Variants in CLSTN2 observed in about 807,000 individuals in gnomAD.
CLSTN2 encodes the protein calsyntenin 2, also known as calsyntenin-2.
CLSTN2 carries 48 observed loss-of-function variants against 101.2 expected under a neutral mutation model. The ratio of observed to expected loss-of-function variants is 0.47; its 90% CI spans 0.38 to 0.60. The LOEUF (loss-of-function observed/expected upper bound fraction) is 0.60, where lower values mean the gene tolerates loss of function less well. CLSTN2 is among the 20% of genes least tolerant of loss of function. The pLI is 0.00. For missense variants in CLSTN2, 1,160 were observed against 1,238.2 expected, an observed-to-expected ratio of 0.94 and a Z score of 0.95; for synonymous variants, 481 against 463.6, an observed-to-expected ratio of 1.04 and a Z score of -0.48.
chr3:140,073,353 T>C (rs1446793128), intron 1 of CLSTN2, among the ~76,000 whole-genome samples: 1 of 152,164 alleles, frequency 6.6e-6, no homozygotes, highest in Non-Finnish European at 1.5e-5. Flanking sequence ...TTAGGTTGTG[T>C]GGATACCCAT....
intron 1 of CLSTN2, among the ~76,000 whole-genome samples, chr3:140,146,675 G>A (rs565054717): frequency 6.6e-6 from 1 of 152,344 alleles, no homozygotes; most frequent in South Asian, 2.1e-4. Context: ...GTCCAAAAGA[G>A]TAATGGTGCT....
chr3:140,339,356 G>T (rs1043641013), intron 2 of CLSTN2, among the ~76,000 whole-genome samples: 7 of 152,066 alleles, frequency 4.6e-5, no homozygotes, highest in African/African-American at 1.7e-4. Context: ...CAAGGAAATG[G>T]TATTTAGACC....
At chr3:139,959,046 G>C (rs1576376667) in intron 1 of CLSTN2, among the ~76,000 whole-genome samples, 1 of 151,948 alleles carries the variant, frequency 6.6e-6, no homozygotes, top group South Asian at 2.1e-4. Flanking sequence ...GAGAGGAAGA[G>C]AGAAACCAAA....
At chr3:139,976,686 A>G (rs903014557) in intron 1 of CLSTN2, among the ~76,000 whole-genome samples, 1 of 152,178 alleles carries the variant, frequency 6.6e-6, no homozygotes, top group Non-Finnish European at 1.5e-5. Flanking sequence ...GTCCTGGCTC[A>G]GCATACAGTT....
intron 2 of CLSTN2, among the ~76,000 whole-genome samples, chr3:140,303,748 G>A (rs900454428): frequency 6.6e-6 from 1 of 151,930 alleles, no homozygotes; most frequent in Non-Finnish European, 1.5e-5. Context: ...TAACACAGGG[G>A]CTCTAGAGGA....
intron 1 of CLSTN2, among the ~76,000 whole-genome samples, chr3:140,116,573 G>A (rs190386405): frequency 6.6e-6 from 1 of 152,292 alleles, no homozygotes; most frequent in Admixed American, 6.5e-5. Context: ...GCACTCACCT[G>A]CAGGGCCGAT....
intron 1 of CLSTN2, among the ~76,000 whole-genome samples, chr3:139,943,253 C>T (rs1295017008): frequency 2.0e-5 from 3 of 152,294 alleles, no homozygotes; most frequent in East Asian, 1.9e-4. Flanking sequence ...ATCCTATCAT[C>T]ACCATCTAGA....
At chr3:140,530,320 G>C (rs1475408184) in intron 8 of CLSTN2, among the ~76,000 whole-genome samples, 1 of 152,128 alleles carries the variant, frequency 6.6e-6, no homozygotes, top group Non-Finnish European at 1.5e-5. Flanking sequence ...CCCAGCTGTT[G>C]TTTCACGGAT....
chr3:140,456,735 C>T (rs895044381), intron 6 of CLSTN2, among the ~76,000 whole-genome samples: 3 of 152,004 alleles, frequency 2.0e-5, no homozygotes, highest in African/African-American at 7.2e-5. Flanking sequence ...TGCAGTGAGC[C>T]AAGATCGCGC....
intron 1 of CLSTN2, among the ~76,000 whole-genome samples, chr3:140,122,798 T>C (rs1425144105): frequency 1.3e-5 from 2 of 152,186 alleles, no homozygotes; most frequent in Non-Finnish European, 2.9e-5. Context: ...CTTTGTGGGC[T>C]ATATAGTTGC....
At chr3:140,421,905 A>G (rs1434313654) in intron 5 of CLSTN2, among the ~76,000 whole-genome samples, 2 of 152,232 alleles carry the variant, frequency 1.3e-5, no homozygotes, top group South Asian at 4.1e-4. Flanking sequence ...AGGTGAGGAC[A>G]GCTGCATAGA....
chr3:140,222,827 A>C (rs935426447), intron 2 of CLSTN2, among the ~76,000 whole-genome samples: 23 of 151,642 alleles, frequency 1.5e-4, no homozygotes, highest in African/African-American at 5.3e-4. Flanking sequence ...ACCTGTAAAT[A>C]TAGACACCTA....
chr3:140,459,733 G>A lies in CLSTN2; in HGVS notation c.1186G>A (p.Glu396Lys), dbSNP rs762725621. The change falls in exon 7 of 17, where the codon GAG (glutamate) becomes AAG (lysine). Residue 396 changes from glutamate to lysine, a missense_variant. Transcript: ENST00000458420. ...KHGPSPGVRA[E>K]KETILCNSDK... Reference sequence around the variant, plus strand: ...CGGCCCCAGCCCTGGTGTGAGAGCCGAGAAGGAAACCATCCTCTGCAACTC... The same window carrying A: ...CGGCCCCAGCCCTGGTGTGAGAGCCAAGAAGGAAACCATCCTCTGCAACTC... 35 of 1,613,946 alleles carry A rather than the reference G, an allele frequency of 2.2e-5. No individual in the cohort carries two copies. Among genetic ancestry groups the A allele is most frequent in the Non-Finnish European group, 2.7e-5 (32 of 1,180,008 alleles).
At chr3:140,147,053 T>C (rs2009791021) in intron 1 of CLSTN2, among the ~76,000 whole-genome samples, 1 of 152,206 alleles carries the variant, frequency 6.6e-6, no homozygotes, top group African/African-American at 2.4e-5. Flanking sequence ...AATGAATAAA[T>C]GGATGGATGA....
intron 2 of CLSTN2, among the ~76,000 whole-genome samples, chr3:140,368,312 C>T (rs2087815938): frequency 6.6e-6 from 1 of 152,204 alleles, no homozygotes; most frequent in Non-Finnish European, 1.5e-5. Flanking sequence ...AGCTCTCTCC[C>T]TCTGGCTTCC....
rs1281625139 is a variant in CLSTN2, at chr3:140,576,365, A to G, written c.*10112A>G. 6.6e-6 allele frequency: 1 copy of G among 152,182 alleles called. No homozygotes were observed. The highest frequency in any genetic ancestry group is 1.5e-5 in the Non-Finnish European group (1 of 68,032). The allele number at this position is 152,182 out of a possible 1,614,324, so 9.4% of individuals were successfully genotyped here. ...AGCTTGTCTCTACTATTGTCTCTAC[A>G]CCGTTGCCCAAACACTTGGTATAAT... On this transcript the variant is annotated 3_prime_UTR_variant, in exon 17 of 17. Transcript: ENST00000458420.
intron 1 of CLSTN2, among the ~76,000 whole-genome samples, chr3:140,146,742 A>T (rs2107811823): frequency 6.6e-6 from 1 of 152,334 alleles, no homozygotes; most frequent in East Asian, 1.9e-4. Context: ...ATTTCTGGTC[A>T]TTTGGGATAT....
At chr3:140,520,613 G>A (rs1935004099) in intron 8 of CLSTN2, among the ~76,000 whole-genome samples, 1 of 152,158 alleles carries the variant, frequency 6.6e-6, no homozygotes, top group African/African-American at 2.4e-5. Context: ...GAGATTTTGG[G>A]TGGGGACACA....
intron 1 of CLSTN2, among the ~76,000 whole-genome samples, chr3:140,056,401 A>G (rs2008097361): frequency 6.6e-6 from 1 of 152,184 alleles, no homozygotes; most frequent in Non-Finnish European, 1.5e-5. Context: ...GCAGGGCTCC[A>G]GGTGTACTTC....
Sources: allele counts gnomAD v4.1 joint callset (sites outside exome capture counted in the v4.1 genomes callset), GRCh38; gene constraint gnomAD v4.1.1; transcripts MANE v1.5; gene names NCBI Gene and HGNC (gene_info 2026-07-23, HGNC 2026-07-21).